Variants in EMC3 observed in about 807,000 individuals in gnomAD.
EMC3 encodes 30 kDa protein.
EMC3 carries 13 observed loss-of-function variants against 36.6 expected under a neutral mutation model. The observed-to-expected ratio is 0.35, with a 90% CI of 0.23 to 0.56. The LOEUF (loss-of-function observed/expected upper bound fraction) is 0.56. Among genes scored for constraint, EMC3 ranks in the 20% least tolerant of loss-of-function variants. EMC3 has a pLI of 0.84. For synonymous variants in EMC3, 120 were observed against 111.9 expected (o/e 1.07, Z -0.46); for missense variants, 220 against 324.5 (o/e 0.68, Z 2.47).
At chr3:9,992,854 T>C in intron 1 of EMC3, 7 of 1,393,154 alleles carry the variant, frequency 5.0e-6, no homozygotes, top group East Asian at 2.3e-5. Context: ...TAACTGTTTT[T>C]CTATTATTGC....
At chr3:9,987,371 C>A, upstream of EMC3, 1 of 923,250 alleles carries the variant, frequency 1.1e-6, no homozygotes, top group Non-Finnish European at 1.3e-6. Flanking sequence ...GCTCCGCGCC[C>A]CAAGCCTCGG....
At chr3:9,990,462 G>A (rs571972702), upstream of EMC3, among the ~76,000 whole-genome samples, 25 of 151,290 alleles carry the variant, frequency 1.7e-4, no homozygotes, top group East Asian at 4.9e-3. Flanking sequence ...AGTCTTTGGA[G>A]TAGCTGGGAC....
intron 1 of EMC3, among the ~76,000 whole-genome samples, chr3:10,007,920 C>G (rs1369152663): frequency 2.0e-5 from 3 of 152,130 alleles, no homozygotes; most frequent in Non-Finnish European, 4.4e-5. Context: ...TTCTCCTTCC[C>G]CAATAAAGAA....
At chr3:9,987,770 T>G (rs961654915), upstream of EMC3, 7 of 477,342 alleles carry the variant, frequency 1.5e-5, no homozygotes, top group Non-Finnish European at 2.7e-5. Flanking sequence ...TTCTCACAAC[T>G]CTATTTTTCA....
chr3:9,988,423 T>A, upstream of EMC3: 3 of 1,358,288 alleles, frequency 2.2e-6, no homozygotes, highest in South Asian at 3.5e-5. Context: ...TTCTCTTTGA[T>A]GTAATAAAGT....
chr3:10,004,579 G>T (rs1040503021), intron 1 of EMC3: 1 of 152,254 alleles, frequency 6.6e-6, no homozygotes, highest in Non-Finnish European at 1.5e-5. Context: ...TTCAGCAGAA[G>T]ACTGTGGGTG....
rs945946774 is a variant in EMC3, at chr3:9,973,501, G to A, written c.494+127C>T. 22 of 833,276 alleles carry A rather than the reference G, an allele frequency of 2.6e-5. 1 individual carries two copies. The highest frequency in any genetic ancestry group is 4.7e-5 in the South Asian group (3 of 64,180). The allele number at this position is 833,276 out of a possible 1,614,324, so 51.6% of individuals were successfully genotyped here. On this transcript the variant is annotated intron_variant, in intron 5 of 7. Coordinates refer to ENST00000245046, the MANE Select transcript of EMC3 (RefSeq NM_001394674.1). The stretch of plus-strand genomic sequence containing the variant: ...GAGCCACTGCGCCCGGCCTGTTTTC[G>A]TTTTCTTGAGACAGGGTCTTACTCT...
intron 1 of EMC3, among the ~76,000 whole-genome samples, chr3:10,001,526 C>T (rs1416675933): frequency 1.3e-5 from 2 of 150,186 alleles, no homozygotes; most frequent in African/African-American, 2.5e-5. Context: ...TGCAGTGAGC[C>T]GAGATTGTGC....
At chr3:9,970,451 A>C in intron 6 of EMC3, 131 bp downstream of exon 6, 1 of 1,045,486 alleles carries the variant, frequency 9.6e-7, no homozygotes, top group Non-Finnish European at 1.5e-6. Flanking sequence ...AGAATACCTC[A>C]GAAACTTAAG....
upstream of EMC3, among the ~76,000 whole-genome samples, chr3:9,989,747 G>A (rs13099136): frequency 0.23 from 34,252 of 151,766 alleles, 4,473 homozygotes; most frequent in African/African-American, 0.36. Context: ...CTATTTTTAC[G>A]TATTTGTAAT....
upstream of EMC3, among the ~76,000 whole-genome samples, chr3:9,990,325 C>CTTTTTT (rs4020037): frequency 1.6e-4 from 14 of 88,684 alleles, no homozygotes; most frequent in African/African-American, 5.2e-4. Flanking sequence ...GGGCCTTTCT[C>CTTTTTT]TTTTTTTTTT....
At chr3:9,974,029 CAAATTGATTAA>C (rs2085817922) in intron 4 of EMC3, among the ~76,000 whole-genome samples, 1 of 152,164 alleles carries the variant, frequency 6.6e-6, no homozygotes, top group Non-Finnish European at 1.5e-5. Context: ...AATAAGAAAC[CAAATTGATTAA>C]AAGCGAATCA....
chr3:10,006,912 C>G (rs796856279), intron 1 of EMC3: 2 of 324,668 alleles, frequency 6.2e-6, no homozygotes, highest in Non-Finnish European at 1.2e-5. Context: ...GTCGTCTGCC[C>G]GGCAACGTGG....
chr3:9,968,323 G>A (rs1013357109), intron 7 of EMC3, among the ~76,000 whole-genome samples: 1 of 152,180 alleles, frequency 6.6e-6, no homozygotes, highest in Non-Finnish European at 1.5e-5. Flanking sequence ...CATTACCAGT[G>A]TATAGAAATA....
intron 1 of EMC3, among the ~76,000 whole-genome samples, chr3:9,981,298 G>C (rs940007209): frequency 1.3e-5 from 2 of 152,202 alleles, no homozygotes; most frequent in African/African-American, 4.8e-5. Context: ...TTCCCAGGCA[G>C]TGTAATCAAG....
chr3:10,000,181 G>A (rs2086180548), intron 1 of EMC3, among the ~76,000 whole-genome samples: 1 of 152,040 alleles, frequency 6.6e-6, no homozygotes, highest in Admixed American at 6.6e-5. Context: ...TGGGATTACA[G>A]GTGCCCACCA....
chr3:9,989,797 C>T (rs1255481300), upstream of EMC3, among the ~76,000 whole-genome samples: 3 of 151,868 alleles, frequency 2.0e-5, no homozygotes, highest in Admixed American at 1.3e-4. Context: ...TCTTTTTTCT[C>T]AACATTTTCT....
intron 1 of EMC3, among the ~76,000 whole-genome samples, chr3:10,001,776 T>A (rs2086203379): frequency 6.6e-6 from 1 of 151,982 alleles, no homozygotes; most frequent in African/African-American, 2.4e-5. Flanking sequence ...GGCGGGCAGA[T>A]CACGAGTTCA....
At chr3:10,007,466 G>C (rs2086276320) in intron 1 of EMC3, 1 of 1,367,562 alleles carries the variant, frequency 7.3e-7, no homozygotes, top group African/African-American at 1.5e-5. Context: ...GCTCCTGGCT[G>C]TCTAGTGTGG....
Sources: gnomAD v4.1 joint callset for allele counts (sites outside exome capture counted in the v4.1 genomes callset) on GRCh38, gnomAD v4.1.1 for gene constraint, MANE v1.5 for transcripts, NCBI Gene and HGNC (gene_info 2026-07-23, HGNC 2026-07-21) for gene names.